DRC11: variants seen among roughly 807,000 people sequenced by gnomAD.
The protein encoded by DRC11 is dynein regulatory complex subunit 11, also known as IQ and AAA domain-containing protein 1.
chr2:236,375,107 G>A, the DRC11 span, among the ~76,000 whole-genome samples: 17 of 152,000 alleles, frequency 1.1e-4, 1 homozygote, highest in Admixed American at 3.9e-4. This position sits in a 1 kb window ranked among gnomAD's most constrained non-coding sequence, Gnocchi z 4.2. Context: ...CCCATGATCC[G>A]CTCACCTCCC....
At chr2:236,335,645 G>C in the DRC11 span, among the ~76,000 whole-genome samples, 1 of 152,142 alleles carries the variant, frequency 6.6e-6, no homozygotes, top group South Asian at 2.1e-4. This position sits in a 1 kb window ranked among gnomAD's most constrained non-coding sequence, Gnocchi z 5.6. Flanking sequence ...CTATAGTTTT[G>C]TCAAACAATA....
the DRC11 span, chr2:236,419,232 T>C: frequency 6.5e-7 from 1 of 1,545,268 alleles, no homozygotes; most frequent in South Asian, 1.2e-5. This position sits in a 1 kb window ranked among gnomAD's most constrained non-coding sequence, Gnocchi z 4.8. Flanking sequence ...TTTTTGTTTT[T>C]TTCTTCTTCC....
At chr2:236,321,600 G>T in the DRC11 span, among the ~76,000 whole-genome samples, 3 of 152,184 alleles carry the variant, frequency 2.0e-5, no homozygotes, top group Admixed American at 2.0e-4. Context: ...ACAGACAAAG[G>T]GCCCTCTGAT....
At chr2:236,423,712 A>G in the DRC11 span, among the ~76,000 whole-genome samples, 1 of 152,204 alleles carries the variant, frequency 6.6e-6, no homozygotes, top group Non-Finnish European at 1.5e-5. Flanking sequence ...TATATACCCA[A>G]AGGGTTATAA....
the DRC11 span, among the ~76,000 whole-genome samples, chr2:236,439,919 A>G: frequency 6.6e-6 from 1 of 152,216 alleles, no homozygotes; most frequent in East Asian, 1.9e-4. Context: ...AAGAAAAACT[A>G]AATAAATATT....
chr2:236,486,652 A>G, the DRC11 span, among the ~76,000 whole-genome samples: 1 of 152,214 alleles, frequency 6.6e-6, no homozygotes, highest in Admixed American at 6.5e-5. The surrounding 1 kb of genome is among the most constrained non-coding windows in gnomAD (Gnocchi z 5.7). Flanking sequence ...AAATGGATAT[A>G]ACCCTGATCT....
At chr2:236,498,868 T>A in the DRC11 span, among the ~76,000 whole-genome samples, 2 of 152,214 alleles carry the variant, frequency 1.3e-5, no homozygotes, top group African/African-American at 4.8e-5. Flanking sequence ...GTGATTTTTT[T>A]ATTCTGCTTT....
At chr2:236,361,091 A>G in the DRC11 span, among the ~76,000 whole-genome samples, 2 of 152,344 alleles carry the variant, frequency 1.3e-5, no homozygotes, top group East Asian at 3.9e-4. This position sits in a 1 kb window ranked among gnomAD's most constrained non-coding sequence, Gnocchi z 5.7. Flanking sequence ...TGAAATGAGC[A>G]CATAAGGACT....
chr2:236,392,320 T>C, the DRC11 span: 1 of 1,596,890 alleles, frequency 6.3e-7, no homozygotes. The surrounding 1 kb of genome is among the most constrained non-coding windows in gnomAD (Gnocchi z 5.1). Flanking sequence ...CTGAGAGAAA[T>C]TCCAAGACTC....
the DRC11 span, among the ~76,000 whole-genome samples, chr2:236,467,610 C>A: frequency 1.3e-5 from 2 of 152,080 alleles, no homozygotes; most frequent in Non-Finnish European, 2.9e-5. Context: ...ATTAGGGCAG[C>A]CTGCACCAAT....
At chr2:236,447,965 G>T in the DRC11 span, among the ~76,000 whole-genome samples, 46 of 152,124 alleles carry the variant, frequency 3.0e-4, no homozygotes, top group African/African-American at 1.1e-3. This position sits in a 1 kb window ranked among gnomAD's most constrained non-coding sequence, Gnocchi z 4.6. Context: ...AAAACAGTTC[G>T]CAGATAATCA....
At chr2:236,366,449 A>C in the DRC11 span, among the ~76,000 whole-genome samples, 1 of 152,168 alleles carries the variant, frequency 6.6e-6, no homozygotes, top group African/African-American at 2.4e-5. Context: ...CAAAAGCTTA[A>C]CTGTGCACAC....
At chr2:236,357,559 T>C in the DRC11 span, among the ~76,000 whole-genome samples, 3 of 118,204 alleles carry the variant, frequency 2.5e-5, no homozygotes, top group Non-Finnish European at 3.3e-5. Flanking sequence ...ATTACATATT[T>C]ACATATATGC....
At chr2:236,329,401 A>G in the DRC11 span, among the ~76,000 whole-genome samples, 1 of 152,226 alleles carries the variant, frequency 6.6e-6, no homozygotes. Context: ...GAGTCAGTAC[A>G]GTGGCTGGCA....
At chr2:236,395,761 C>T in the DRC11 span, among the ~76,000 whole-genome samples, 3 of 152,182 alleles carry the variant, frequency 2.0e-5, no homozygotes, top group Admixed American at 1.3e-4. Flanking sequence ...TAATAATAAT[C>T]CCCCTTGTAG....
chr2:236,407,167 C>T, the DRC11 span, among the ~76,000 whole-genome samples: 1 of 152,174 alleles, frequency 6.6e-6, no homozygotes, highest in Non-Finnish European at 1.5e-5. Flanking sequence ...GCTACTCTTT[C>T]CCCCACAAAA....
chr2:236,447,000 C>T, the DRC11 span, among the ~76,000 whole-genome samples: 1 of 151,482 alleles, frequency 6.6e-6, no homozygotes, highest in Admixed American at 6.6e-5. The surrounding 1 kb of genome is among the most constrained non-coding windows in gnomAD (Gnocchi z 6.2). Context: ...ATCAGACACT[C>T]CCCCGTAGAT....
the DRC11 span, among the ~76,000 whole-genome samples, chr2:236,491,207 TATATAC>T: frequency 3.2e-4 from 18 of 56,118 alleles, no homozygotes; most frequent in African/African-American, 8.5e-4. Flanking sequence ...TATATATATA[TATATAC>T]ACACAGTATA....
the DRC11 span, among the ~76,000 whole-genome samples, chr2:236,314,467 C>G: frequency 6.6e-6 from 1 of 152,136 alleles, no homozygotes. This position sits in a 1 kb window ranked among gnomAD's most constrained non-coding sequence, Gnocchi z 4.5. Flanking sequence ...CAAGCCAGTG[C>G]AATAAAGCAA....
Sources: gnomAD v4.1 joint callset for allele counts (sites outside exome capture counted in the v4.1 genomes callset) on GRCh38, gnomAD v4.1.1 for gene constraint, Gnocchi (gnomAD v3.1) non-coding constraint, MANE v1.5 for transcripts, NCBI Gene and HGNC (gene_info 2026-07-23, HGNC 2026-07-21) for gene names.